Variants in DNM2 observed in about 807,000 individuals in gnomAD.
DNM2 encodes dynamin-2.
In DNM2, 15 loss-of-function variants were observed where a neutral mutation model predicts 99.0. That is an observed-to-expected ratio of 0.15 (90% CI 0.10 to 0.23). The LOEUF is 0.23. Ranked by LOEUF, DNM2 falls within the 10% of genes least tolerant of loss-of-function variation. DNM2 has a pLI of 1.00. For synonymous variants in DNM2, 525 were observed against 481.2 expected (o/e 1.09, Z -1.19); for missense variants, 742 against 1,189.4 (o/e 0.62, Z 5.53).
chr19:10,747,105 T>C (rs2070017748), intron 1 of DNM2, among the ~76,000 whole-genome samples: 1 of 151,868 alleles, frequency 6.6e-6, no homozygotes, highest in Non-Finnish European at 1.5e-5. Flanking sequence ...TTCAAACTCC[T>C]GGGCTCAAGA....
rs2072937078 is a variant in DNM2 at position 10,820,500 on chromosome 19, G to A, written c.1781+411G>A. ...TGGGGCCAGAACCCATAGGGAAGGA[G>A]GGTGCAGATTCTGGGTAGAAGAGTC... is the stretch of plus-strand genomic sequence containing the variant. On this transcript the variant is annotated intron_variant, in intron 16 of 20. Coordinates refer to ENST00000389253, the MANE Select transcript of DNM2 (RefSeq NM_001005361.3). The surrounding 1 kb of genome is among the most constrained non-coding windows in gnomAD (Gnocchi z 4.3). Among the ~76,000 whole-genome samples, 1 of 152,254 alleles carries A rather than the reference G, an allele frequency of 6.6e-6. No individual in the cohort carries two copies. The highest frequency in any genetic ancestry group is 2.4e-5 in the African/African-American group (1 of 41,472).
chr19:10,812,290 C>A lies in DNM2; in HGVS notation c.1584C>A (p.Ile528=). ...ILVIRRGWLT[I]NNISLMKGGS... The stretch of plus-strand genomic sequence containing the variant: ...TGATCCGCAGGGGCTGGCTGACCAT[C>A]AACAACATCAGCCTGATGAAAGGCG... The change falls in exon 15 of 21, where the codon ATC becomes ATA. Residue 528 remains isoleucine (I), a synonymous_variant. Coordinates refer to ENST00000389253, the MANE Select transcript of DNM2 (RefSeq NM_001005361.3). This position sits in a 1 kb window ranked among gnomAD's most constrained non-coding sequence, Gnocchi z 4.0. 4 of 1,608,076 alleles carry A rather than the reference C, an allele frequency of 2.5e-6. No homozygotes were observed. The highest frequency in any genetic ancestry group is 2.5e-6 in the Non-Finnish European group (3 of 1,177,026).
At chr19:10,746,722 T>G (rs1305729542) in intron 1 of DNM2, among the ~76,000 whole-genome samples, 1 of 94,782 alleles carries the variant, frequency 1.1e-5, no homozygotes, top group East Asian at 2.7e-4. Context: ...GCCGGCTTTT[T>G]TTTTGTTTTT....
In DNM2 at chr19:10,778,616, C is replaced by T. The variant is rs144856309; in HGVS notation, c.688+1400C>T. On this transcript the variant is annotated intron_variant, in intron 5 of 20. Transcript: ENST00000389253. Reference sequence around the variant, plus strand: ...GCAGTGAGCTATGATCACACTACTACACTCTAGCCTGCACAACAGAGCAAG... The same window carrying T: ...GCAGTGAGCTATGATCACACTACTATACTCTAGCCTGCACAACAGAGCAAG... Among the ~76,000 whole-genome samples, 22 of 152,104 alleles carry T rather than the reference C, an allele frequency of 1.4e-4. No homozygotes were observed. The East Asian group carries it at 3.9e-3, about 27-fold the overall frequency.
At position 10,830,120 on chromosome 19, in the gene DNM2, C is replaced by G. The variant is rs2073285852; in HGVS notation, c.2292-7C>G. On this transcript the variant is annotated splice_polypyrimidine_tract_variant and splice_region_variant and intron_variant, in intron 19 of 20. Coordinates refer to ENST00000389253, the MANE Select transcript of DNM2 (RefSeq NM_001005361.3). This position sits in a 1 kb window ranked among gnomAD's most constrained non-coding sequence, Gnocchi z 4.8. ...ATCTGTAGCTCACACCCTCTCCTTC[C>G]TCACAGCCCCACTCCACAGCGCCGA... 1.9e-6 allele frequency: 3 copies of G among 1,613,868 alleles called. No homozygotes were observed. The East Asian group carries it at 6.7e-5, about 36-fold the overall frequency.
intron 1 of DNM2, among the ~76,000 whole-genome samples, chr19:10,727,891 C>A (rs1376781672): frequency 2.0e-5 from 3 of 152,180 alleles, no homozygotes; most frequent in Non-Finnish European, 4.4e-5. Context: ...TTGCCAACTA[C>A]AAGCTGTAAT....
intron 13 of DNM2, 114 bp from the exon 14 acceptor site, chr19:10,808,452 TCTC>T (rs940337961): frequency 1.8e-6 from 2 of 1,137,218 alleles, no homozygotes; most frequent in South Asian, 1.5e-5. Context: ...GCTCTTCTCT[TCTC>T]CTGTTTTTGT....
chr19:10,778,328 C>G (rs529442921), intron 5 of DNM2, among the ~76,000 whole-genome samples: 1 of 152,008 alleles, frequency 6.6e-6, no homozygotes, highest in African/African-American at 2.4e-5. Flanking sequence ...CCACCGCACC[C>G]GGCCATCTTC....
Position 10,782,189 on chromosome 19 carries a change from C to T in DNM2, c.689-771C>T, listed in dbSNP as rs561096743. 1.1e-4 allele frequency among the ~76,000 whole-genome samples: 17 copies of T among 151,990 alleles called. No individual in the cohort carries two copies. In the South Asian group the frequency reaches 3.1e-3, roughly 28 times the overall value. On this transcript the variant is annotated intron_variant, in intron 5 of 20. Coordinates refer to ENST00000389253, the MANE Select transcript of DNM2 (RefSeq NM_001005361.3). ...CTGGGACTATACACGTGTGCTACCA[C>T]GCCTCGCTAATTTTTGTATATTTTT...
intron 12 of DNM2, chr19:10,803,710 C>T (rs939888587): frequency 2.3e-5 from 23 of 985,968 alleles, no homozygotes; most frequent in African/African-American, 1.0e-4. Context: ...GGTGTGTGAA[C>T]GGGGTACGCC....
Position 10,817,560 on chromosome 19 carries a change from G to A in DNM2, c.1672-2420G>A. On this transcript the variant is annotated intron_variant, in intron 15 of 20. Transcript: ENST00000389253. This position sits in a 1 kb window ranked among gnomAD's most constrained non-coding sequence, Gnocchi z 4.6. ...CGCTGGGGCCACCAGGCCAGGCCGT[G>A]CCTCAGCACCTCTGAGCAGCCAAGG... is the stretch of plus-strand genomic sequence containing the variant. 1 of 409,472 alleles carries A rather than the reference G, an allele frequency of 2.4e-6. No individual in the cohort carries two copies. The highest frequency in any genetic ancestry group is 5.0e-6 in the Non-Finnish European group (1 of 200,414). The allele number at this position is 409,472 out of a possible 1,614,324, so 25.4% of individuals were successfully genotyped here.
Position 10,795,831 on chromosome 19 carries a change from T to TC in DNM2, c.1196+396dup. On this transcript the variant is annotated intron_variant, in intron 9 of 20. Transcript: ENST00000389253. This position sits in a 1 kb window ranked among gnomAD's most constrained non-coding sequence, Gnocchi z 4.2. ...ATGGCTTCCTCGTGAGCCTCTTGGGTCCCCTCCTTATTCTAACAAAGGTAG... is the reference window on the plus strand; with the variant it reads ...ATGGCTTCCTCGTGAGCCTCTTGGGTCCCCCTCCTTATTCTAACAAAGGTAG... The TC allele has an allele frequency of 1.5e-6, 1 of 652,702 alleles. No homozygotes were observed. The highest frequency in any genetic ancestry group is 2.6e-5 in the Admixed American group (1 of 38,262). The allele number at this position is 652,702 out of a possible 1,614,324, so 40.4% of individuals were successfully genotyped here.
At chr19:10,770,877 G>A (rs546774167) in intron 2 of DNM2, among the ~76,000 whole-genome samples, 34 of 152,320 alleles carry the variant, frequency 2.2e-4, no homozygotes, top group Middle Eastern at 3.4e-3. Flanking sequence ...TACAAGATGA[G>A]ATTTGGGTGG....
rs1370210787 is a variant in DNM2 at position 10,793,700 on chromosome 19, CT to C, written c.993-15del. The C allele has an allele frequency of 6.2e-7, 1 of 1,614,046 alleles. No individual in the cohort carries two copies. On this transcript the variant is annotated intron_variant, in intron 7 of 20. Transcript: ENST00000389253. Reference sequence around the variant, plus strand: ...GTGGAAACCTCCGTTTTGATGCTTGCTTTTTCCTTTTCCTCATAGGATGGTC... The same window carrying C: ...GTGGAAACCTCCGTTTTGATGCTTGCTTTTCCTTTTCCTCATAGGATGGTC...
chr19:10,805,804 T>C, intron 12 of DNM2, 112 bp from the exon 13 acceptor site: 1 of 1,365,570 alleles, frequency 7.3e-7, no homozygotes, highest in African/African-American at 1.4e-5. Context: ...TCTCTGCCTC[T>C]ACCTGTGGCT....
rs1012094757 is a variant in DNM2, at chr19:10,772,304, C to T, written c.236-175C>T. ...CCATGTTAGTGAGGATGGTCTGAAT[C>T]TCCTGACCTTGTGATCTGCCCACCT... On this transcript the variant is annotated intron_variant, in intron 2 of 20. Coordinates refer to ENST00000389253, the MANE Select transcript of DNM2 (RefSeq NM_001005361.3). This position sits in a 1 kb window ranked among gnomAD's most constrained non-coding sequence, Gnocchi z 4.9. 4.5e-4 allele frequency among the ~76,000 whole-genome samples: 69 copies of T among 152,062 alleles called. No individual in the cohort carries two copies. The highest frequency in any genetic ancestry group is 8.4e-4 in the Non-Finnish European group (57 of 68,030).
chr19:10,757,388 G>A (rs1318225717), intron 1 of DNM2, among the ~76,000 whole-genome samples: 2 of 152,200 alleles, frequency 1.3e-5, no homozygotes, highest in Non-Finnish European at 2.9e-5. Context: ...GCCAGCCACT[G>A]GGTAATACAT....
chr19:10,795,360 G>T lies in DNM2; in HGVS notation c.1129-12G>T, dbSNP rs1162318363. The T allele has an allele frequency of 1.2e-6, 2 of 1,614,042 alleles. No individual in the cohort carries two copies. On this transcript the variant is annotated splice_polypyrimidine_tract_variant and intron_variant, in intron 8 of 20. Coordinates refer to ENST00000389253, the MANE Select transcript of DNM2 (RefSeq NM_001005361.3). This position sits in a 1 kb window ranked among gnomAD's most constrained non-coding sequence, Gnocchi z 4.2. ...GTGCCTCCATGCATGTGCTTGGTTT[G>T]TCTCTTCTCAGATGGAGTTTGACGA...
Position 10,830,349 on chromosome 19 carries a change from CCCCCCAGGGATT to C in DNM2, c.2523_2534del (p.Ile842_Gly845del). On this transcript the variant is annotated inframe_deletion, in exon 20 of 21. Transcript: ENST00000389253. This position sits in a 1 kb window ranked among gnomAD's most constrained non-coding sequence, Gnocchi z 4.8. ...AGATCCCATCTCGGCCAGTTCGGAT[CCCCCCAGGGATT>C]CCCCCAGGAGTGCCCAGGTAAGGCC... 1 of 1,612,074 alleles carries C rather than the reference CCCCCCAGGGATT, an allele frequency of 6.2e-7. No homozygotes were observed. The highest frequency in any genetic ancestry group is 8.5e-7 in the Non-Finnish European group (1 of 1,179,640).
Sources: gnomAD v4.1 joint callset for allele counts (sites outside exome capture counted in the v4.1 genomes callset) on GRCh38, gnomAD v4.1.1 for gene constraint, Gnocchi (gnomAD v3.1) non-coding constraint, MANE v1.5 for transcripts, NCBI Gene and HGNC (gene_info 2026-07-23, HGNC 2026-07-21) for gene names.